CACNB4: variants seen among roughly 807,000 people sequenced by gnomAD.
CACNB4 encodes the protein calcium voltage-gated channel auxiliary subunit beta 4, also known as voltage-dependent L-type calcium channel subunit beta-4.
Under a neutral mutation model 71.2 loss-of-function variants are expected in CACNB4, and 32 were observed. The observed-to-expected ratio is 0.45, with a 90% CI of 0.34 to 0.60. CACNB4 has a LOEUF of 0.60. Ranked by LOEUF, CACNB4 falls within the 20% of genes least tolerant of loss-of-function variation. The pLI is 0.01. For synonymous variants in CACNB4, 231 were observed against 236.9 expected (o/e 0.97, Z 0.23); for missense variants, 464 against 647.9 (o/e 0.72, Z 3.08).
chr2:151,990,071 C>T (rs375606767), intron 2 of CACNB4, among the ~76,000 whole-genome samples: 10 of 152,288 alleles, frequency 6.6e-5, no homozygotes, highest in African/African-American at 2.2e-4. Context: ...TATATCTTTC[C>T]ATTTGAATAC....
intron 2 of CACNB4, among the ~76,000 whole-genome samples, chr2:152,097,128 G>C (rs115131744): frequency 6.6e-6 from 1 of 152,214 alleles, no homozygotes; most frequent in Admixed American, 6.5e-5. Flanking sequence ...CTTAGTGCTC[G>C]CTGAATTAAA....
At chr2:151,850,608 G>A (rs1336813703) in intron 12 of CACNB4, 1 of 152,216 alleles carries the variant, frequency 6.6e-6, no homozygotes, top group East Asian at 1.9e-4. Context: ...AAAATGAGGA[G>A]ATTGGACTAA....
chr2:152,075,757 G>A (rs1425239840), intron 2 of CACNB4, among the ~76,000 whole-genome samples: 1 of 152,052 alleles, frequency 6.6e-6, no homozygotes, highest in East Asian at 1.9e-4. Context: ...AGGAGGTCTG[G>A]GACTAAAAGA....
intron 2 of CACNB4, among the ~76,000 whole-genome samples, chr2:151,897,055 G>T (rs1468789007): frequency 6.6e-6 from 1 of 152,200 alleles, no homozygotes; most frequent in South Asian, 2.1e-4. Context: ...ATTAAAAAAA[G>T]AATCTCTCTT....
At chr2:152,032,479 A>C (rs1684339032) in intron 2 of CACNB4, among the ~76,000 whole-genome samples, 1 of 152,258 alleles carries the variant, frequency 6.6e-6, no homozygotes, top group Non-Finnish European at 1.5e-5. Context: ...TGATTTTAAG[A>C]AAGCCACAAT....
At chr2:151,879,353 A>T (rs148166796) in intron 4 of CACNB4, among the ~76,000 whole-genome samples, 247 of 152,352 alleles carry the variant, frequency 1.6e-3, no homozygotes, top group African/African-American at 5.7e-3. Flanking sequence ...TTGAGTTACT[A>T]GGGAGAAAGT....
In CACNB4 at chr2:151,936,340, C is replaced by G. The variant is rs1475676094; in HGVS notation, c.148-52970G>C. ...CTTGCAAGGAAAGATCATGTTTAGT[C>G]TCCCAGGAACATTCAGAGATCATAG... On this transcript the variant is annotated intron_variant, in intron 2 of 13. Transcript: ENST00000539935. The G allele has an allele frequency of 2.0e-5, 3 of 152,170 alleles. No homozygotes were observed. The South Asian group carries it at 6.2e-4, about 32-fold the overall frequency. The allele number at this position is 152,170 out of a possible 1,614,324, so 9.4% of individuals were successfully genotyped here. A position where few individuals can be genotyped will look rare whatever the true frequency, so the allele number is the denominator to read the frequency against.
intron 2 of CACNB4, among the ~76,000 whole-genome samples, chr2:152,058,962 A>C (rs954854525): frequency 6.6e-6 from 1 of 152,238 alleles, no homozygotes; most frequent in Non-Finnish European, 1.5e-5. Flanking sequence ...AGCTTGGGCC[A>C]TTGCTTCAGA....
At chr2:151,859,469 ATGTT>A (rs770632027) in intron 10 of CACNB4, 19 of 152,344 alleles carry the variant, frequency 1.2e-4, no homozygotes, top group East Asian at 1.9e-4. Flanking sequence ...CAGAGAATTG[ATGTT>A]TGTTTGAGAA....
At chr2:151,941,213 T>G (rs866545537) in intron 2 of CACNB4, among the ~76,000 whole-genome samples, 2 of 152,088 alleles carry the variant, frequency 1.3e-5, no homozygotes, top group South Asian at 4.2e-4. Context: ...TTCTGTCCAG[T>G]TGTCATGCAT....
chr2:151,875,305 T>TG (rs1445986852), intron 5 of CACNB4, among the ~76,000 whole-genome samples: 1 of 147,938 alleles, frequency 6.8e-6, no homozygotes, highest in Admixed American at 6.8e-5. Context: ...AGCACAGGGT[T>TG]GGGGGTAAGG....
intron 2 of CACNB4, among the ~76,000 whole-genome samples, chr2:151,939,349 A>G (rs1360880579): frequency 6.6e-6 from 1 of 152,226 alleles, no homozygotes; most frequent in East Asian, 1.9e-4. Flanking sequence ...GAAGATGTTC[A>G]AAGAGCAAAG....
intron 4 of CACNB4, among the ~76,000 whole-genome samples, chr2:151,877,754 C>T (rs1416771963): frequency 6.6e-6 from 1 of 152,136 alleles, no homozygotes; most frequent in Non-Finnish European, 1.5e-5. Flanking sequence ...CTTCCAAATG[C>T]TCTGAAGCCC....
chr2:152,023,454 G>A (rs933077516), intron 2 of CACNB4, among the ~76,000 whole-genome samples: 37 of 151,170 alleles, frequency 2.4e-4, no homozygotes, highest in Non-Finnish European at 3.7e-4. Flanking sequence ...TTTTTGGTCA[G>A]ACAAAGTCTC....
At chr2:152,066,674 G>A (rs1027629096) in intron 2 of CACNB4, among the ~76,000 whole-genome samples, 1 of 150,224 alleles carries the variant, frequency 6.7e-6, no homozygotes, top group Non-Finnish European at 1.5e-5. Flanking sequence ...AAATCATGCT[G>A]CTATAAAGAC....
At chr2:152,048,033 A>G (rs1171184116) in intron 2 of CACNB4, among the ~76,000 whole-genome samples, 1 of 152,168 alleles carries the variant, frequency 6.6e-6, no homozygotes, top group African/African-American at 2.4e-5. Context: ...TGCAAATCCT[A>G]GTATCAGTGT....
Position 151,843,255 on chromosome 2 carries a change from T to C in CACNB4, c.1117-1167A>G, listed in dbSNP as rs553296590. Among the ~76,000 whole-genome samples, 10 of 152,352 alleles carry C rather than the reference T, an allele frequency of 6.6e-5. No individual in the cohort carries two copies. The East Asian group carries it at 1.9e-3, about 29-fold the overall frequency. On this transcript the variant is annotated intron_variant, in intron 12 of 13. Coordinates refer to ENST00000539935, the MANE Select transcript of CACNB4 (RefSeq NM_000726.5). ...TCTTCAGAGGGAAACCAGAAAACTT[T>C]GGCACCACACAAAGAGAAAAGTCAT...
chr2:151,978,882 C>G (rs16830540), intron 2 of CACNB4, among the ~76,000 whole-genome samples: 12,439 of 152,168 alleles, frequency 0.082, 1,047 homozygotes, highest in African/African-American at 0.22. Flanking sequence ...CCTACCTGCT[C>G]TATCTGGCCA....
intron 2 of CACNB4, among the ~76,000 whole-genome samples, chr2:152,058,923 C>G (rs1350376311): frequency 6.6e-6 from 1 of 152,240 alleles, no homozygotes; most frequent in East Asian, 1.9e-4. Flanking sequence ...CCCAGTCACT[C>G]TAGCTGTGGC....
Sources: gnomAD v4.1 joint callset for allele counts (sites outside exome capture counted in the v4.1 genomes callset) on GRCh38, gnomAD v4.1.1 for gene constraint, MANE v1.5 for transcripts, NCBI Gene and HGNC (gene_info 2026-07-23, HGNC 2026-07-21) for gene names.